The following RRP36 variants were observed in gnomAD, a reference collection of about 807,000 sequenced individuals.
RRP36 encodes the protein ribosomal RNA processing protein 36 homolog.
In RRP36, 44 loss-of-function variants were observed where a neutral mutation model predicts 39.8. The ratio of observed to expected loss-of-function variants is 1.10; its 90% CI spans 0.87 to 1.42. RRP36 has a LOEUF of 1.42. RRP36 is among the 40% of genes most tolerant of loss of function. The pLI is 0.00. For synonymous variants in RRP36, 124 were observed against 123.1 expected, an observed-to-expected ratio of 1.01 and a Z score of -0.05; for missense variants, 316 against 322.4, an observed-to-expected ratio of 0.98 and a Z score of 0.15.
chr6:43,021,775 C>A lies in RRP36; in HGVS notation c.121C>A (p.Leu41Ile). The A allele has an allele frequency of 9.2e-7, 1 of 1,081,102 alleles. No individual in the cohort carries two copies. The highest frequency in any genetic ancestry group is 1.1e-6 in the Non-Finnish European group (1 of 880,266). 67.0% of individuals were successfully genotyped at this position (1,081,102 alleles called of 1,614,324 possible). ...GLEPAAVARD[L>I]LRGTSNMSFE... ...GGAGCCCGCGGCCGTGGCCCGCGAC[C>A]TATTGAGGGGTGAGGGCATGGGGCA... Residue 41 changes from leucine to isoleucine, a missense_variant, in exon 1 of 7, where the codon CTA (leucine) becomes ATA (isoleucine). Transcript: ENST00000244496.
chr6:43,025,955 T>A, intron 3 of RRP36, 82 bp from the exon 4 acceptor site: 2 of 1,021,810 alleles, frequency 2.0e-6, no homozygotes, highest in South Asian at 2.9e-5. Flanking sequence ...AAAAGAAAGA[T>A]GAGGAAGAGA....
chr6:43,027,724 C>CA (rs1554133989), intron 6 of RRP36, among the ~76,000 whole-genome samples: 1 of 126,330 alleles, frequency 7.9e-6, no homozygotes, highest in African/African-American at 3.2e-5. Context: ...CCCCCCCCCC[C>CA]AACACACACA....
At chr6:43,025,802 G>A (rs1331113914) in intron 3 of RRP36, among the ~76,000 whole-genome samples, 1 of 151,750 alleles carries the variant, frequency 6.6e-6, no homozygotes, top group Admixed American at 6.6e-5. Context: ...GCGTGGTGGC[G>A]GGTGCCTGTA....
chr6:43,027,532 TAG>T (rs1762836360), intron 6 of RRP36, 55 bp downstream of exon 6: 1 of 1,435,904 alleles, frequency 7.0e-7, no homozygotes, highest in Non-Finnish European at 9.7e-7. Context: ...GCCATGGTGG[TAG>T]AGTCTTGTGT....
chr6:43,024,493 G>T (rs553957460), intron 1 of RRP36, among the ~76,000 whole-genome samples: 2 of 152,304 alleles, frequency 1.3e-5, no homozygotes, highest in East Asian at 1.9e-4. Flanking sequence ...AAGTTTATGT[G>T]TGGGAGTGAT....
chr6:43,027,573 G>A, intron 6 of RRP36, 96 bp downstream of exon 6: 1 of 968,700 alleles, frequency 1.0e-6, no homozygotes, highest in Non-Finnish European at 1.6e-6. Flanking sequence ...CTTTAAGGAA[G>A]GCATGAAGGC....
chr6:43,026,055 T>G lies in RRP36; in HGVS notation c.364T>G (p.Phe122Val). ...TCCAAAGGTAGCCCGGGACCCTCGC[T>G]TTGATGATCTGTCAGGGGAATATAA... ...ISKKVARDPR[F>V]DDLSGEYNPE... is the part of the protein sequence containing the mutation. The change falls in exon 4 of 7, where the codon TTT (phenylalanine) becomes GTT (valine). Residue 122 changes from phenylalanine (F) to valine (V), a missense_variant. Physicochemically the swap from Phe to Val is conservative, Grantham distance 50. Transcript: ENST00000244496. 6.2e-7 allele frequency: 1 copy of G among 1,613,442 alleles called. No homozygotes were observed.
At position 43,027,190 on chromosome 6, in the gene RRP36, C is replaced by T. The variant is rs1762827316; in HGVS notation, c.463C>T (p.Gln155Ter). The T allele has an allele frequency of 6.2e-7, 1 of 1,614,010 alleles. No homozygotes were observed. The highest frequency in any genetic ancestry group is 8.5e-7 in the Non-Finnish European group (1 of 1,179,924). The change falls in exon 5 of 7, where the codon CAG (glutamine) becomes TAG (stop). Residue 155 changes from glutamine to a stop codon, truncating the protein, a stop_gained. Transcript: ENST00000244496. LOFTEE classifies it high-confidence loss of function. ...RAKEKELVKK[Q>*]LKKHLSGEEH... ...TTCCAATGTGGAGCTTGTGAAAAAA[C>T]AGTTGAAGAAGCACCTTTCAGGAGA...
chr6:43,024,706 AAGAG>A (rs796594586), intron 1 of RRP36, among the ~76,000 whole-genome samples: 2 of 152,048 alleles, frequency 1.3e-5, no homozygotes, highest in East Asian at 1.9e-4. Context: ...GAATGAGTAA[AAGAG>A]AGAGTAAAAG....
intron 4 of RRP36, among the ~76,000 whole-genome samples, chr6:43,026,403 C>T (rs146164894): frequency 6.6e-6 from 1 of 152,156 alleles, no homozygotes; most frequent in Non-Finnish European, 1.5e-5. Context: ...TGTGGTGGCT[C>T]ACGCCTGTAA....
Sources: gnomAD v4.1 joint callset for allele counts (sites outside exome capture counted in the v4.1 genomes callset) on GRCh38, gnomAD v4.1.1 for gene constraint, MANE v1.5 for transcripts, NCBI Gene and HGNC (gene_info 2026-07-23, HGNC 2026-07-21) for gene names.